The following RALGAPA2 variants were observed in gnomAD, a reference collection of about 807,000 sequenced individuals.
RALGAPA2 encodes the protein ral GTPase-activating protein subunit alpha-2.
Under a neutral mutation model 230.4 loss-of-function variants are expected in RALGAPA2, and 139 were observed. The ratio of observed to expected loss-of-function variants is 0.60; its 90% CI spans 0.53 to 0.69. RALGAPA2 has a LOEUF of 0.69. RALGAPA2 is among the 30% of genes least tolerant of loss of function. RALGAPA2 has a pLI of 0.00. For missense variants in RALGAPA2, 2,163 were observed against 2,276.0 expected, an observed-to-expected ratio of 0.95 and a Z score of 1.01; for synonymous variants, 847 against 837.8, an observed-to-expected ratio of 1.01 and a Z score of -0.19.
intron 18 of RALGAPA2, among the ~76,000 whole-genome samples, chr20:20,587,723 A>G (rs753027053): frequency 9.7e-4 from 147 of 152,266 alleles, no homozygotes; most frequent in Non-Finnish European, 8.7e-4. Context: ...ATATATTGGA[A>G]GAAGATATTT....
In RALGAPA2 at chr20:20,512,601, C is replaced by T. The variant is rs747247446; in HGVS notation, c.4768G>A (p.Gly1590Arg). The T allele has an allele frequency of 1.9e-6, 3 of 1,613,956 alleles. No homozygotes were observed. Among genetic ancestry groups the T allele is most frequent in the Middle Eastern group, 3.3e-4 (2 of 6,062 alleles). Residue 1590 changes from glycine to arginine, a missense_variant, in exon 32 of 40, where the codon GGG becomes AGG. Gly to Arg is a moderately radical substitution (Grantham distance 125). Coordinates refer to ENST00000202677, the MANE Select transcript of RALGAPA2 (RefSeq NM_020343.4). Reference protein sequence around the residue: ...FDSAMKVTSQGQPSPVEPRGP... With the variant: ...FDSAMKVTSQRQPSPVEPRGP... Reference sequence around the variant, plus strand: ...CGGGGCTCCACTGGGGAGGGCTGCCCTTGGCTGGTGACTTTCATTGCAGAA... The same window carrying T: ...CGGGGCTCCACTGGGGAGGGCTGCCTTTGGCTGGTGACTTTCATTGCAGAA...
chr20:20,667,862 GA>G (rs1387804524), intron 3 of RALGAPA2, among the ~76,000 whole-genome samples: 1 of 152,140 alleles, frequency 6.6e-6, no homozygotes, highest in East Asian at 1.9e-4. Context: ...GAAAACAGTA[GA>G]ATGACATTGT....
At chr20:20,575,466 C>A (rs189597584) in intron 20 of RALGAPA2, among the ~76,000 whole-genome samples, 4 of 151,072 alleles carry the variant, frequency 2.6e-5, no homozygotes, top group Admixed American at 2.6e-4. Flanking sequence ...TATGAAAACT[C>A]TCCTTTAATC....
At chr20:20,495,374 A>G in intron 35 of RALGAPA2, 99 bp from the exon 36 acceptor site, 1 of 1,020,600 alleles carries the variant, frequency 9.8e-7, no homozygotes, top group Non-Finnish European at 1.3e-6. Flanking sequence ...AAGGCCAAAA[A>G]AATTTCACTA....
intron 27 of RALGAPA2, among the ~76,000 whole-genome samples, chr20:20,530,633 C>T (rs574647320): frequency 2.0e-5 from 3 of 152,128 alleles, no homozygotes; most frequent in South Asian, 2.1e-4. Context: ...CAGTCCCAGG[C>T]GTCAGCTGTA....
chr20:20,588,348 T>C (rs749339718), intron 18 of RALGAPA2, among the ~76,000 whole-genome samples: 3 of 152,156 alleles, frequency 2.0e-5, no homozygotes, highest in African/African-American at 4.8e-5. Context: ...AATATGTAAC[T>C]GAGTAAACAA....
At position 20,495,182 on chromosome 20, in the gene RALGAPA2, C is replaced by T. The variant is rs962956368; in HGVS notation, c.5302G>A (p.Val1768Ile). Residue 1768 changes from valine (V) to isoleucine (I), a missense_variant, in exon 36 of 40, where the codon GTT becomes ATT. Val to Ile is a conservative substitution (Grantham distance 29). Transcript: ENST00000202677. ...TTCATTGGGTAAATAATGATTGAAA[C>T]ATCTCCAAAGGCAGTTGGGATAATA... is the stretch of plus-strand genomic sequence containing the variant. ...RGIIPTAFGD[V>I]SIIIYPMKNH... 9.3e-6 allele frequency: 15 copies of T among 1,612,050 alleles called. No homozygotes were observed. Among genetic ancestry groups the T allele is most frequent in the Non-Finnish European group, 1.3e-5 (15 of 1,178,370 alleles).
At chr20:20,589,501 G>T in intron 17 of RALGAPA2, 136 bp from the exon 18 acceptor site, 2 of 924,018 alleles carry the variant, frequency 2.2e-6, no homozygotes, top group Non-Finnish European at 3.2e-6. Context: ...TTATGGGCCT[G>T]GCAAAACAGC....
chr20:20,455,449 G>T (rs1410988645), intron 37 of RALGAPA2, among the ~76,000 whole-genome samples: 1 of 152,258 alleles, frequency 6.6e-6, no homozygotes, highest in African/African-American at 2.4e-5. Context: ...CCACCTCCTC[G>T]CCTGTCAGCT....
chr20:20,543,721 G>A lies in RALGAPA2; in HGVS notation c.3285+2983C>T, dbSNP rs887971438. On this transcript the variant is annotated intron_variant, in intron 24 of 39. Coordinates refer to ENST00000202677, the MANE Select transcript of RALGAPA2 (RefSeq NM_020343.4). Reference sequence around the variant, plus strand: ...CAGGAAGGGGAACATCACACACCACGGCCTGTCGTGGGGCGGGGGGAGCGG... The same window carrying A: ...CAGGAAGGGGAACATCACACACCACAGCCTGTCGTGGGGCGGGGGGAGCGG... Among the ~76,000 whole-genome samples, 22 of 152,028 alleles carry A rather than the reference G, an allele frequency of 1.4e-4. 1 individual carries two copies. The South Asian group carries it at 2.5e-3, about 17-fold the overall frequency.
chr20:20,416,594 A>G (rs548210148), intron 37 of RALGAPA2, among the ~76,000 whole-genome samples: 1 of 152,378 alleles, frequency 6.6e-6, no homozygotes, highest in East Asian at 1.9e-4. Flanking sequence ...GTGAGCTATA[A>G]TAACCAACCC....
intron 16 of RALGAPA2, among the ~76,000 whole-genome samples, chr20:20,599,480 G>A (rs1375630681): frequency 6.6e-6 from 1 of 152,126 alleles, no homozygotes; most frequent in Non-Finnish European, 1.5e-5. Context: ...ATGAACATAG[G>A]AGGAAAACGT....
At chr20:20,571,803 A>G in intron 22 of RALGAPA2, 45 bp downstream of exon 22, 4 of 1,533,824 alleles carry the variant, frequency 2.6e-6, no homozygotes, top group Non-Finnish European at 3.6e-6. Flanking sequence ...AATTTCAGAA[A>G]GGAAGAGGAA....
intron 2 of RALGAPA2, among the ~76,000 whole-genome samples, chr20:20,679,973 T>C (rs898699955): frequency 1.3e-5 from 2 of 152,240 alleles, no homozygotes; most frequent in African/African-American, 2.4e-5. Flanking sequence ...TGAAAGAAGA[T>C]GGTGACAGCA....
intron 37 of RALGAPA2, among the ~76,000 whole-genome samples, chr20:20,458,469 A>ATATT (rs1487852774): frequency 0.02 from 2,219 of 109,262 alleles, 130 homozygotes; most frequent in East Asian, 0.064. Context: ...TATTTTATAT[A>ATATT]ATATATAATA....
chr20:20,441,241 C>G (rs1405719309), intron 37 of RALGAPA2, among the ~76,000 whole-genome samples: 1 of 152,178 alleles, frequency 6.6e-6, no homozygotes. Flanking sequence ...ACATAAGATG[C>G]TTTTTGGGAG....
chr20:20,429,526 AT>A (rs1236558004), intron 37 of RALGAPA2, among the ~76,000 whole-genome samples: 2 of 152,352 alleles, frequency 1.3e-5, no homozygotes, highest in African/African-American at 2.4e-5. Context: ...AACTACATTA[AT>A]TTGATTCTTT....
chr20:20,418,181 AAG>A (rs1277852758), intron 37 of RALGAPA2, among the ~76,000 whole-genome samples: 1 of 152,240 alleles, frequency 6.6e-6, no homozygotes, highest in Non-Finnish European at 1.5e-5. Context: ...GCAAATCCAT[AAG>A]AGAAAGTCAA....
chr20:20,603,021 C>T (rs2065706907), intron 15 of RALGAPA2, among the ~76,000 whole-genome samples: 1 of 152,210 alleles, frequency 6.6e-6, no homozygotes, highest in East Asian at 1.9e-4. Flanking sequence ...GTATCTGGGT[C>T]CTCTCAGGCC....
Sources: gnomAD v4.1 joint callset for allele counts (sites outside exome capture counted in the v4.1 genomes callset) on GRCh38, gnomAD v4.1.1 for gene constraint, MANE v1.5 for transcripts, NCBI Gene and HGNC (gene_info 2026-07-23, HGNC 2026-07-21) for gene names.